The following GRID2 variants were observed in gnomAD, a reference collection of about 807,000 sequenced individuals.
GRID2 encodes glutamate receptor ionotropic, delta-2.
Under a neutral mutation model 114.8 loss-of-function variants are expected in GRID2, and 33 were observed. That is an observed-to-expected ratio of 0.29 (90% CI 0.22 to 0.38). The LOEUF (loss-of-function observed/expected upper bound fraction) is 0.38, where lower values mean the gene tolerates loss of function less well. Ranked by LOEUF, GRID2 falls within the 10% of genes least tolerant of loss-of-function variation. The pLI is 1.00. For missense variants in GRID2, 1,184 were observed against 1,257.7 expected (o/e 0.94, Z 0.89); for synonymous variants, 505 against 449.9 (o/e 1.12, Z -1.55).
chr4:93,591,170 C>G (rs1347383938), intron 13 of GRID2, among the ~76,000 whole-genome samples: 8 of 148,090 alleles, frequency 5.4e-5, no homozygotes, highest in Non-Finnish European at 1.2e-4. Context: ...TTTGCCCATT[C>G]AGTATGATAT....
intron 1 of GRID2, among the ~76,000 whole-genome samples, chr4:92,456,909 G>A (rs191681133): frequency 6.6e-6 from 1 of 151,980 alleles, no homozygotes; most frequent in African/African-American, 2.4e-5. Context: ...TAACAGGTAT[G>A]TTATGAAATA....
chr4:93,145,407 T>C (rs1181889040), intron 4 of GRID2, among the ~76,000 whole-genome samples: 1 of 151,774 alleles, frequency 6.6e-6, no homozygotes, highest in Non-Finnish European at 1.5e-5. Flanking sequence ...GTTGAACTCT[T>C]AATTTGTTTT....
intron 2 of GRID2, among the ~76,000 whole-genome samples, chr4:92,616,423 T>C (rs1050600632): frequency 9.9e-5 from 15 of 151,616 alleles, no homozygotes; most frequent in African/African-American, 3.6e-4. Context: ...TGGCCCTGTC[T>C]GTCAGTAGTT....
intron 4 of GRID2, chr4:93,164,657 G>T: frequency 2.7e-6 from 1 of 372,190 alleles, no homozygotes; most frequent in Middle Eastern, 4.1e-4. Flanking sequence ...GAAAATACCG[G>T]TTATCCTTGT....
At chr4:92,958,915 A>T (rs1327423818) in intron 2 of GRID2, among the ~76,000 whole-genome samples, 1 of 151,924 alleles carries the variant, frequency 6.6e-6, no homozygotes, top group Non-Finnish European at 1.5e-5. Flanking sequence ...TCTTTCAAGG[A>T]GTAGGTCTGT....
In GRID2 at chr4:92,876,495, G is replaced by A. The variant is rs576211421; in HGVS notation, c.245-208500G>A. On this transcript the variant is annotated intron_variant, in intron 2 of 15. Coordinates refer to ENST00000282020, the MANE Select transcript of GRID2 (RefSeq NM_001510.4). ...AATTTTTTGTATTTTTAGTAAAGAC[G>A]GGGTTTCACCGTGTTAACCAGGATG... Among the ~76,000 whole-genome samples, 5 of 151,948 alleles carry A rather than the reference G, an allele frequency of 3.3e-5. No individual in the cohort carries two copies. In the South Asian group the frequency reaches 8.3e-4, roughly 25 times the overall value.
At chr4:93,675,993 C>G (rs1724821787) in intron 14 of GRID2, among the ~76,000 whole-genome samples, 1 of 152,092 alleles carries the variant, frequency 6.6e-6, no homozygotes, top group African/African-American at 2.4e-5. Flanking sequence ...TTAGACAGGA[C>G]AGTATTTTGA....
At chr4:93,677,423 G>A (rs1196321350) in intron 14 of GRID2, among the ~76,000 whole-genome samples, 3 of 152,180 alleles carry the variant, frequency 2.0e-5, no homozygotes, top group Admixed American at 2.0e-4. Flanking sequence ...TTTGAAGAGA[G>A]CAGTGGTTCT....
intron 4 of GRID2, among the ~76,000 whole-genome samples, chr4:93,184,277 A>C (rs986131625): frequency 1.2e-4 from 18 of 152,162 alleles, no homozygotes; most frequent in African/African-American, 3.9e-4. Context: ...CTAGCTATGC[A>C]TGAAGGCACA....
intron 10 of GRID2, among the ~76,000 whole-genome samples, chr4:93,427,516 T>C (rs1188360933): frequency 1.3e-5 from 2 of 152,014 alleles, no homozygotes; most frequent in Non-Finnish European, 2.9e-5. Context: ...AGTGCAATTA[T>C]ATATATCATA....
chr4:92,835,366 A>G (rs1704397245), intron 2 of GRID2, among the ~76,000 whole-genome samples: 1 of 152,176 alleles, frequency 6.6e-6, no homozygotes, highest in African/African-American at 2.4e-5. Flanking sequence ...AGATAAGCTA[A>G]AAGTAGCTAG....
At chr4:93,061,416 G>A (rs1578877121) in intron 2 of GRID2, among the ~76,000 whole-genome samples, 1 of 151,626 alleles carries the variant, frequency 6.6e-6, no homozygotes, top group African/African-American at 2.4e-5. Context: ...GCCAAATCCT[G>A]GCTACTAGCA....
chr4:92,410,263 T>C (rs573138372), intron 1 of GRID2, among the ~76,000 whole-genome samples: 2 of 152,298 alleles, frequency 1.3e-5, no homozygotes, highest in Non-Finnish European at 2.9e-5. Context: ...CTTCTTCCCA[T>C]GACAGAGATG....
intron 4 of GRID2, among the ~76,000 whole-genome samples, chr4:93,124,200 G>T (rs1734067816): frequency 6.6e-6 from 1 of 151,990 alleles, no homozygotes; most frequent in South Asian, 2.1e-4. Flanking sequence ...GTCATGGAAG[G>T]CAAGGACAGG....
rs1228530712 is a variant in GRID2 at position 93,168,409 on chromosome 4, C to T, written c.736-38995C>T. Among the ~76,000 whole-genome samples, 7 of 151,988 alleles carry T rather than the reference C, an allele frequency of 4.6e-5. No individual in the cohort carries two copies. The South Asian group carries it at 1.0e-3, about 22-fold the overall frequency. On this transcript the variant is annotated intron_variant, in intron 4 of 15. Transcript: ENST00000282020. Reference sequence around the variant, plus strand: ...GGACAGTTTTCTCTCACTAGCTATACGTCTTACTTCAAGAAAGCAGCTCAA... The same window carrying T: ...GGACAGTTTTCTCTCACTAGCTATATGTCTTACTTCAAGAAAGCAGCTCAA...
chr4:92,438,366 G>A (rs1319693947), intron 1 of GRID2, among the ~76,000 whole-genome samples: 3 of 151,972 alleles, frequency 2.0e-5, no homozygotes, highest in African/African-American at 7.2e-5. Context: ...ATACTCAGAT[G>A]CAATGATTGA....
intron 13 of GRID2, among the ~76,000 whole-genome samples, chr4:93,578,924 C>G (rs559584438): frequency 1.3e-5 from 2 of 152,088 alleles, no homozygotes; most frequent in Non-Finnish European, 2.9e-5. Flanking sequence ...AGACATTCTT[C>G]CATAATAGTT....
intron 14 of GRID2, among the ~76,000 whole-genome samples, chr4:93,713,504 C>G (rs1162850929): frequency 6.6e-6 from 1 of 151,358 alleles, no homozygotes; most frequent in Admixed American, 6.6e-5. Flanking sequence ...ATTGATTATT[C>G]TAAGTGGAGA....
intron 8 of GRID2, among the ~76,000 whole-genome samples, chr4:93,360,709 C>T (rs941306554): frequency 2.6e-5 from 4 of 151,722 alleles, no homozygotes; most frequent in African/African-American, 9.7e-5. Flanking sequence ...TAAGAGCATG[C>T]TATATTCTCT....
Sources: allele counts gnomAD v4.1 joint callset (sites outside exome capture counted in the v4.1 genomes callset), GRCh38; gene constraint gnomAD v4.1.1; transcripts MANE v1.5; gene names NCBI Gene and HGNC (gene_info 2026-07-23, HGNC 2026-07-21).